Variants in FILIP1L observed in about 807,000 individuals in gnomAD.
FILIP1L encodes the protein filamin A interacting protein 1 like.
Under a neutral mutation model 96.6 loss-of-function variants are expected in FILIP1L, and 55 were observed. The ratio of observed to expected loss-of-function variants is 0.57; its 90% CI spans 0.46 to 0.71. FILIP1L has a LOEUF of 0.71. Among genes scored for constraint, FILIP1L ranks in the 30% least tolerant of loss-of-function variants. The probability of loss-of-function intolerance (pLI) is 0.00; values close to 1 mark genes in which losing one functional copy is unlikely to be tolerated. For synonymous variants in FILIP1L, 467 were observed against 473.9 expected, an observed-to-expected ratio of 0.99 and a Z score of 0.19; for missense variants, 1,304 against 1,321.2, an observed-to-expected ratio of 0.99 and a Z score of 0.20.
chr3:99,985,497 CA>C (rs1375364211), intron 1 of FILIP1L, among the ~76,000 whole-genome samples: 1 of 151,480 alleles, frequency 6.6e-6, no homozygotes, highest in Non-Finnish European at 1.5e-5. Context: ...GACCCTGTCT[CA>C]AAAAAACAAG....
intron 4 of FILIP1L, among the ~76,000 whole-genome samples, chr3:99,881,083 G>A (rs1705710674): frequency 6.6e-6 from 1 of 152,100 alleles, no homozygotes; most frequent in Admixed American, 6.5e-5. Flanking sequence ...ACAAAGCAAG[G>A]AAGTCTATTT....
chr3:100,035,897 G>T (rs1168459260), intron 1 of FILIP1L, among the ~76,000 whole-genome samples: 1 of 152,078 alleles, frequency 6.6e-6, no homozygotes, highest in African/African-American at 2.4e-5. Flanking sequence ...TTCTATGGAT[G>T]GTCTATTATG....
intron 5 of FILIP1L, among the ~76,000 whole-genome samples, chr3:99,843,450 C>A (rs1202944051): frequency 1.3e-5 from 2 of 152,112 alleles, no homozygotes; most frequent in Non-Finnish European, 2.9e-5. Flanking sequence ...GTAGAATAGC[C>A]ACATTTCCTA....
At chr3:100,083,968 T>C (rs2065969138) in intron 1 of FILIP1L, among the ~76,000 whole-genome samples, 1 of 152,224 alleles carries the variant, frequency 6.6e-6, no homozygotes, top group Non-Finnish European at 1.5e-5. Flanking sequence ...TATGCTGAAG[T>C]TGACAGCTGA....
intron 1 of FILIP1L, among the ~76,000 whole-genome samples, chr3:99,934,126 C>A (rs1214595896): frequency 6.6e-6 from 1 of 152,208 alleles, no homozygotes; most frequent in Non-Finnish European, 1.5e-5. Flanking sequence ...ATGGTGGTCT[C>A]AGGATAACAT....
intron 1 of FILIP1L, among the ~76,000 whole-genome samples, chr3:100,030,954 A>G (rs781146393): frequency 1.5e-4 from 23 of 152,334 alleles, no homozygotes; most frequent in Non-Finnish European, 2.1e-4. Flanking sequence ...TATAAAATCT[A>G]TGAGATATGA....
At chr3:99,957,693 CTTTTTTTT>C (rs779350496) in intron 1 of FILIP1L, among the ~76,000 whole-genome samples, 30 of 19,904 alleles carry the variant, frequency 1.5e-3, no homozygotes, top group South Asian at 6.8e-3. Context: ...TTCTTTCTTT[CTTTTTTTT>C]TTTTTTTTTT....
intron 1 of FILIP1L, among the ~76,000 whole-genome samples, chr3:99,969,453 T>G (rs116072049): frequency 0.016 from 2,403 of 152,122 alleles, 57 homozygotes; most frequent in African/African-American, 0.054. Context: ...GAAAGCTGAC[T>G]TTTTTTTCCA....
At chr3:99,927,270 A>C (rs1003727006) in intron 3 of FILIP1L, among the ~76,000 whole-genome samples, 6 of 152,240 alleles carry the variant, frequency 3.9e-5, no homozygotes, top group African/African-American at 1.4e-4. Context: ...ACCATTGCTT[A>C]AGGTAAGTAT....
At chr3:99,882,386 G>A (rs531588403) in intron 4 of FILIP1L, among the ~76,000 whole-genome samples, 1 of 152,294 alleles carries the variant, frequency 6.6e-6, no homozygotes, top group Non-Finnish European at 1.5e-5. Flanking sequence ...CATATAAGCA[G>A]TCAGTGGTGG....
Position 99,850,832 on chromosome 3 carries a change from G to T in FILIP1L, c.844C>A (p.Gln282Lys). The T allele has an allele frequency of 2.5e-6, 4 of 1,614,096 alleles. No individual in the cohort carries two copies. The highest frequency in any genetic ancestry group is 3.4e-6 in the Non-Finnish European group (4 of 1,180,014). Reference protein sequence around the residue: ...TKLALAEARVQEEEQKATRLE... With the variant: ...TKLALAEARVKEEEQKATRLE... ...CTGGTTGCCTTCTGCTCTTCCTCCTGAACTCTGGCTTCAGCAAGGGCTAGT... is the reference window on the plus strand; with the variant it reads ...CTGGTTGCCTTCTGCTCTTCCTCCTTAACTCTGGCTTCAGCAAGGGCTAGT... Residue 282 changes from glutamine (Q) to lysine (K), a missense_variant, in exon 5 of 6, where the codon CAG becomes AAG. Physicochemically the swap from Gln to Lys is moderately conservative, Grantham distance 53. Coordinates refer to ENST00000477258, the MANE Select transcript of FILIP1L (RefSeq NM_001387850.1).
intron 1 of FILIP1L, among the ~76,000 whole-genome samples, chr3:99,998,839 G>T (rs528229427): frequency 7.9e-5 from 12 of 152,292 alleles, no homozygotes; most frequent in East Asian, 7.7e-4. Context: ...AAAGTAATGG[G>T]ATTACAGGCG....
At chr3:99,955,904 C>CAT (rs1708306878) in intron 1 of FILIP1L, among the ~76,000 whole-genome samples, 1 of 152,136 alleles carries the variant, frequency 6.6e-6, no homozygotes, top group African/African-American at 2.4e-5. Context: ...TCTGTTCTCC[C>CAT]ATATAACCTA....
chr3:99,844,458 G>A (rs891912141), intron 5 of FILIP1L, among the ~76,000 whole-genome samples: 1 of 152,134 alleles, frequency 6.6e-6, no homozygotes, highest in Non-Finnish European at 1.5e-5. Context: ...CCAGGGTATA[G>A]GAAAAAGCTA....
chr3:100,076,315 C>G (rs1373216886), intron 1 of FILIP1L, among the ~76,000 whole-genome samples: 1 of 152,130 alleles, frequency 6.6e-6, no homozygotes, highest in Non-Finnish European at 1.5e-5. Flanking sequence ...TGCTTTTCAT[C>G]TTTCTGAAAG....
At chr3:99,932,173 C>A (rs1707502735) in intron 1 of FILIP1L, among the ~76,000 whole-genome samples, 1 of 151,972 alleles carries the variant, frequency 6.6e-6, no homozygotes, top group South Asian at 2.1e-4. Context: ...CTTCTGAAAC[C>A]CCTTCTCCTC....
At position 99,849,122 on chromosome 3, in the gene FILIP1L, A is replaced by G; in HGVS notation, c.2554T>C (p.Ser852Pro). The change falls in exon 5 of 6, where the codon TCT (serine) becomes CCT (proline). Residue 852 changes from serine to proline, a missense_variant. Coordinates refer to ENST00000477258, the MANE Select transcript of FILIP1L (RefSeq NM_001387850.1). ...GSVLSFKCSQSTPCPVNRKLW... is the reference protein window; with the variant it reads ...GSVLSFKCSQPTPCPVNRKLW... Reference sequence around the variant, plus strand: ...TTTCTGTTAACAGGACATGGAGTAGACTGGCTGCATTTGAAGGACAGCACA... The same window carrying G: ...TTTCTGTTAACAGGACATGGAGTAGGCTGGCTGCATTTGAAGGACAGCACA... 1 of 1,614,082 alleles carries G rather than the reference A, an allele frequency of 6.2e-7. No individual in the cohort carries two copies. Among genetic ancestry groups the G allele is most frequent in the Non-Finnish European group, 8.5e-7 (1 of 1,180,008 alleles).
intron 4 of FILIP1L, among the ~76,000 whole-genome samples, chr3:99,857,836 G>GTA (rs1323673917): frequency 6.6e-6 from 1 of 152,178 alleles, no homozygotes; most frequent in Non-Finnish European, 1.5e-5. Context: ...TGTTCACTAT[G>GTA]TAAATCTTGA....
Position 99,848,511 on chromosome 3 carries a change from T to C in FILIP1L, c.3165A>G (p.Ile1055Met). The change falls in exon 5 of 6, where the codon ATA becomes ATG. Residue 1055 changes from isoleucine to methionine, a missense_variant. Ile to Met is a conservative substitution (Grantham distance 10). Transcript: ENST00000477258. ...TGTGGATTTTATTATCCTCAGTAGT[T>C]ATCACACTTGAGCTATTGCTGTTTG... ...QRSNSNSSSV[I>M]TTEDNKIHIH... 6.2e-7 allele frequency: 1 copy of C among 1,614,214 alleles called. No individual in the cohort carries two copies. Among genetic ancestry groups the C allele is most frequent in the African/African-American group, 1.3e-5 (1 of 75,056 alleles).
Sources: gnomAD v4.1 joint callset for allele counts (sites outside exome capture counted in the v4.1 genomes callset) on GRCh38, gnomAD v4.1.1 for gene constraint, MANE v1.5 for transcripts, NCBI Gene and HGNC (gene_info 2026-07-23, HGNC 2026-07-21) for gene names.